The following CTSS variants were observed in gnomAD, a reference collection of about 807,000 sequenced individuals.
CTSS encodes cathepsin S.
In CTSS, 15 loss-of-function variants were observed where a neutral mutation model predicts 39.9. The observed-to-expected ratio is 0.38, with a 90% CI of 0.25 to 0.58. The LOEUF is 0.58. Ranked by LOEUF, CTSS falls within the 20% of genes least tolerant of loss-of-function variation. The pLI, the probability that CTSS is intolerant of heterozygous loss-of-function variation, is 0.70. For missense variants in CTSS, 250 were observed against 398.2 expected (o/e 0.63, Z 3.17); for synonymous variants, 126 against 138.2 (o/e 0.91, Z 0.62).
At chr1:150,736,269 A>G (rs1232588176) in intron 7 of CTSS, among the ~76,000 whole-genome samples, 1 of 152,224 alleles carries the variant, frequency 6.6e-6, no homozygotes, top group Non-Finnish European at 1.5e-5. Context: ...GGTGAATATT[A>G]TCTTCTTTTA....
At chr1:150,750,226 C>T (rs1345804313) in intron 5 of CTSS, 55 bp from the exon 6 acceptor site, 1 of 1,387,050 alleles carries the variant, frequency 7.2e-7, no homozygotes, top group Non-Finnish European at 1.0e-6. Flanking sequence ...GTATAAATCA[C>T]CTGTATCCTA....
chr1:150,742,537 G>T (rs1226357840), intron 7 of CTSS, among the ~76,000 whole-genome samples: 1 of 152,168 alleles, frequency 6.6e-6, no homozygotes, highest in Non-Finnish European at 1.5e-5. Flanking sequence ...TACCTGGAAT[G>T]CCTGGCCAGG....
intron 2 of CTSS, among the ~76,000 whole-genome samples, chr1:150,761,569 TAA>T (rs1427609908): frequency 1.3e-5 from 2 of 151,332 alleles, no homozygotes; most frequent in Admixed American, 6.6e-5. Context: ...CCGACTCTAC[TAA>T]AAATACAAAA....
chr1:150,752,901 T>G (rs1254102048), intron 4 of CTSS, among the ~76,000 whole-genome samples: 2 of 152,206 alleles, frequency 1.3e-5, no homozygotes, highest in South Asian at 2.1e-4. Context: ...TCACTCAGAC[T>G]GAAGTGCAGT....
At chr1:150,742,461 ACT>A (rs1368474061) in intron 7 of CTSS, among the ~76,000 whole-genome samples, 1 of 152,132 alleles carries the variant, frequency 6.6e-6, no homozygotes, top group African/African-American at 2.4e-5. Context: ...CCAGAGTATG[ACT>A]GTGGGTATAT....
intron 4 of CTSS, among the ~76,000 whole-genome samples, chr1:150,753,342 G>A (rs959148918): frequency 2.0e-5 from 3 of 152,114 alleles, no homozygotes; most frequent in Non-Finnish European, 1.5e-5. Flanking sequence ...AACAGCATAG[G>A]AACAATAATT....
intron 7 of CTSS, among the ~76,000 whole-genome samples, chr1:150,745,942 C>T (rs1198982249): frequency 6.6e-6 from 1 of 152,128 alleles, no homozygotes; most frequent in Non-Finnish European, 1.5e-5. Flanking sequence ...TGAAATAACA[C>T]ATCCATCTCC....
intron 2 of CTSS, among the ~76,000 whole-genome samples, chr1:150,758,432 C>G (rs1047165721): frequency 5.3e-5 from 8 of 152,144 alleles, no homozygotes; most frequent in African/African-American, 1.7e-4. Context: ...AATATAACTG[C>G]TAACTTCACA....
chr1:150,748,827 A>C (rs1402936722), intron 6 of CTSS, among the ~76,000 whole-genome samples: 1 of 152,240 alleles, frequency 6.6e-6, no homozygotes, highest in Non-Finnish European at 1.5e-5. Context: ...TCCCAAAAGC[A>C]TGTGCTCACA....
intron 7 of CTSS, among the ~76,000 whole-genome samples, chr1:150,744,661 G>T (rs1456986475): frequency 2.2e-5 from 3 of 138,510 alleles, no homozygotes; most frequent in Non-Finnish European, 3.0e-5. Context: ...AATATGTATT[G>T]TATATTATGT....
chr1:150,748,790 C>T (rs1478535773), intron 6 of CTSS, among the ~76,000 whole-genome samples: 1 of 152,158 alleles, frequency 6.6e-6, no homozygotes, highest in African/African-American at 2.4e-5. Flanking sequence ...GGCAACTCTA[C>T]ATTCAGCAAG....
At chr1:150,763,581 TATAA>T (rs934722718) in intron 2 of CTSS, among the ~76,000 whole-genome samples, 6 of 152,034 alleles carry the variant, frequency 3.9e-5, no homozygotes, top group African/African-American at 7.2e-5. Context: ...ATTATTTAAT[TATAA>T]ATAAATAAAA....
intron 1 of CTSS, among the ~76,000 whole-genome samples, chr1:150,765,089 T>TTC (rs3831278): frequency 3.4e-5 from 5 of 148,648 alleles, no homozygotes; most frequent in African/African-American, 7.4e-5. Flanking sequence ...GGAAATCTCT[T>TTC]TCTCTCTCTC....
At chr1:150,764,809 T>C in intron 1 of CTSS, 45 bp from the exon 2 acceptor site, 6 of 1,605,226 alleles carry the variant, frequency 3.7e-6, no homozygotes, top group Non-Finnish European at 5.1e-6. Flanking sequence ...ATTAGCTGCA[T>C]ATGTTGTGAC....
chr1:150,739,603 T>C (rs1652703507), intron 7 of CTSS, among the ~76,000 whole-genome samples: 1 of 152,096 alleles, frequency 6.6e-6, no homozygotes, highest in Admixed American at 6.6e-5. Flanking sequence ...AGGCGGAGGT[T>C]GCAGTGAGCT....
intron 3 of CTSS, among the ~76,000 whole-genome samples, chr1:150,756,105 A>G (rs1217584769): frequency 1.3e-5 from 2 of 152,162 alleles, no homozygotes; most frequent in African/African-American, 4.8e-5. Flanking sequence ...ATTTTTTAAA[A>G]GTTTTTACAC....
In CTSS at chr1:150,751,828, CAAT is replaced by C. The variant is rs1450231541; in HGVS notation, c.577_579del (p.Ile193del). 1 of 1,614,038 alleles carries C rather than the reference CAAT, an allele frequency of 6.2e-7. No homozygotes were observed. The highest frequency in any genetic ancestry group is 1.3e-5 in the African/African-American group (1 of 74,912). ...GCGTCTGAGTCGATGCCCTTGTTATCAATGATGTACTGGAAAGCCGTTGTCATG... is the reference window on the plus strand; with the variant it reads ...GCGTCTGAGTCGATGCCCTTGTTATCGATGTACTGGAAAGCCGTTGTCATG... On this transcript the variant is annotated inframe_deletion, in exon 5 of 8. Coordinates refer to ENST00000368985, the MANE Select transcript of CTSS (RefSeq NM_004079.5).
chr1:150,735,714 A>G lies in CTSS; in HGVS notation c.897-2569T>C, dbSNP rs769380115. Among the ~76,000 whole-genome samples, 31 of 150,776 alleles carry G rather than the reference A, an allele frequency of 2.1e-4. 1 individual carries two copies. The highest frequency in any genetic ancestry group is 4.1e-4 in the Non-Finnish European group (28 of 67,846). Reference sequence around the variant, plus strand: ...AGCAATCCTCCTGCCTCAGCCTTACAAGTAGCTAGGACCACATGTGCATAC... The same window carrying G: ...AGCAATCCTCCTGCCTCAGCCTTACGAGTAGCTAGGACCACATGTGCATAC... On this transcript the variant is annotated intron_variant, in intron 7 of 7. Coordinates refer to ENST00000368985, the MANE Select transcript of CTSS (RefSeq NM_004079.5).
chr1:150,747,961 T>G (rs1170782110), intron 6 of CTSS, 82 bp from the exon 7 acceptor site: 2 of 918,840 alleles, frequency 2.2e-6, no homozygotes, highest in African/African-American at 3.3e-5. Context: ...TACTTTTTAT[T>G]AGCCTGCTTT....
Sources: allele counts gnomAD v4.1 joint callset (sites outside exome capture counted in the v4.1 genomes callset), GRCh38; gene constraint gnomAD v4.1.1; transcripts MANE v1.5; gene names NCBI Gene and HGNC (gene_info 2026-07-23, HGNC 2026-07-21).